ZYG11A: variants seen among roughly 807,000 people sequenced by gnomAD.
The protein encoded by ZYG11A is zyg-11 family member A, cell cycle regulator.
A neutral mutation model predicts 77.2 loss-of-function variants in ZYG11A; 62 were observed. The observed-to-expected ratio is 0.80, with a 90% CI of 0.65 to 0.99. The LOEUF is 0.99. ZYG11A is among the 50% of genes least tolerant of loss of function. ZYG11A has a pLI of 0.00. For missense variants in ZYG11A, 828 were observed against 896.8 expected (o/e 0.92, Z 0.98); for synonymous variants, 315 against 324.6 (o/e 0.97, Z 0.32).
At chr1:52,862,604 G>A (rs1299904088) in intron 4 of ZYG11A, among the ~76,000 whole-genome samples, 6 of 152,082 alleles carry the variant, frequency 3.9e-5, no homozygotes, top group East Asian at 3.9e-4. Flanking sequence ...GAGCCACTGC[G>A]CCCGGCAAGC....
chr1:52,846,996 C>T (rs770868154), intron 1 of ZYG11A, among the ~76,000 whole-genome samples: 3 of 151,654 alleles, frequency 2.0e-5, no homozygotes, highest in Non-Finnish European at 2.9e-5. Context: ...TACGGGTACA[C>T]GCCGCCACGC....
At chr1:52,888,656 C>T (rs1226699494) in intron 13 of ZYG11A, among the ~76,000 whole-genome samples, 1 of 152,128 alleles carries the variant, frequency 6.6e-6, no homozygotes, top group African/African-American at 2.4e-5. Context: ...CTGCATCTGG[C>T]CAGAAAAATG....
intron 13 of ZYG11A, 126 bp from the exon 14 acceptor site, chr1:52,892,656 T>C: frequency 1.3e-6 from 1 of 786,236 alleles, no homozygotes; most frequent in Non-Finnish European, 2.0e-6. Context: ...ACTCATTTTA[T>C]CTGTTAATTC....
At chr1:52,866,904 T>G (rs1646037532) in intron 6 of ZYG11A, among the ~76,000 whole-genome samples, 1 of 152,218 alleles carries the variant, frequency 6.6e-6, no homozygotes, top group South Asian at 2.1e-4. Context: ...ATTCCTAGTT[T>G]AAGTACAGGC....
Position 52,847,930 on chromosome 1 carries a change from C to T in ZYG11A, c.90+4957C>T, listed in dbSNP as rs1238444463. On this transcript the variant is annotated intron_variant, in intron 1 of 13. Coordinates refer to ENST00000371528, the MANE Select transcript of ZYG11A (RefSeq NM_001004339.3). ...TGTCGCCTAGGCTGGAGTGCAGTGG[C>T]GCGATCTCAGCTCACTGCAAGCTCC... Among the ~76,000 whole-genome samples the T allele has an allele frequency of 2.6e-5, 4 of 151,718 alleles. No individual in the cohort carries two copies. In the South Asian group the frequency reaches 6.2e-4, roughly 24 times the overall value.
intron 13 of ZYG11A, among the ~76,000 whole-genome samples, chr1:52,889,439 T>TA (rs139715588): frequency 0.018 from 2,697 of 145,810 alleles, 45 homozygotes; most frequent in Middle Eastern, 0.071. Context: ...TCTTTTAAAT[T>TA]AAAAAAAAAA....
intron 8 of ZYG11A, among the ~76,000 whole-genome samples, chr1:52,872,456 G>GTTC (rs1204499263): frequency 6.6e-6 from 1 of 152,098 alleles, no homozygotes; most frequent in Non-Finnish European, 1.5e-5. Context: ...CCACCCAAGA[G>GTTC]TTCTGATGGA....
intron 8 of ZYG11A, among the ~76,000 whole-genome samples, chr1:52,869,980 C>G (rs566001168): frequency 1.3e-5 from 2 of 151,392 alleles, no homozygotes; most frequent in Admixed American, 6.6e-5. Context: ...CCCCACCCCC[C>G]TCCCGGGCGG....
intron 10 of ZYG11A, among the ~76,000 whole-genome samples, chr1:52,879,867 A>ATTCGG (rs1288410298): frequency 1.3e-5 from 2 of 151,406 alleles, no homozygotes; most frequent in African/African-American, 4.9e-5. Context: ...GGTTCAAGTG[A>ATTCGG]TTCTCCCACT....
chr1:52,885,915 T>C, intron 12 of ZYG11A, 21 bp downstream of exon 12: 1 of 1,498,262 alleles, frequency 6.7e-7, no homozygotes, highest in South Asian at 1.3e-5. Context: ...GGTGTTGTGC[T>C]TTTCTTCTTT....
rs1366306391 is a variant in ZYG11A at position 52,860,988 on chromosome 1, C to G, written c.1149+117C>G. 3 of 1,016,028 alleles carry G rather than the reference C, an allele frequency of 3.0e-6. No individual in the cohort carries two copies. The East Asian group carries it at 7.9e-5, about 27-fold the overall frequency. The allele number at this position is 1,016,028 out of a possible 1,614,324, so 62.9% of individuals were successfully genotyped here. A position where few individuals can be genotyped will look rare whatever the true frequency, so the allele number is the denominator to read the frequency against. The stretch of plus-strand genomic sequence containing the variant: ...GCTTTATTCTATAGTGAGTCAAGTG[C>G]TCTCATAGAGCAAAGAATGTTAAGC... On this transcript the variant is annotated intron_variant, in intron 4 of 13. Coordinates refer to ENST00000371528, the MANE Select transcript of ZYG11A (RefSeq NM_001004339.3).
chr1:52,850,398 A>T (rs545368256), intron 1 of ZYG11A, among the ~76,000 whole-genome samples: 1 of 150,954 alleles, frequency 6.6e-6, no homozygotes, highest in Middle Eastern at 3.4e-3. Flanking sequence ...AGCTCACTGC[A>T]ACCTCTGCAT....
chr1:52,883,756 G>T (rs184877748), intron 11 of ZYG11A, among the ~76,000 whole-genome samples: 2 of 152,074 alleles, frequency 1.3e-5, no homozygotes, highest in Non-Finnish European at 2.9e-5. Context: ...TTCGTCCAAG[G>T]CTACTGTTTC....
chr1:52,885,115 G>T (rs1646426331), intron 11 of ZYG11A, among the ~76,000 whole-genome samples: 1 of 151,686 alleles, frequency 6.6e-6, no homozygotes, highest in Non-Finnish European at 1.5e-5. Context: ...TCACCGTGTT[G>T]GCCAGGCTGG....
intron 10 of ZYG11A, among the ~76,000 whole-genome samples, 163 bp downstream of exon 10, chr1:52,878,132 A>G (rs914200445): frequency 2.6e-5 from 4 of 152,250 alleles, no homozygotes; most frequent in Admixed American, 6.5e-5. Flanking sequence ...TATATCAGTT[A>G]TCTATTGTTG....
Position 52,892,806 on chromosome 1 carries a change from T to C in ZYG11A, c.2129T>C (p.Val710Ala). ...GCCAGCAAATACTGCAAAATGTTAG[T>C]TGAAGAAGAAGGATTGCAGCTTTTG... The part of the protein sequence containing the change: ...KNPSKYCKML[V>A]EEEGLQLLCD... The change falls in exon 14 of 14, where the codon GTT (valine) becomes GCT (alanine). Residue 710 changes from valine to alanine, a missense_variant. By Grantham distance (64) the Val-to-Ala change is moderately conservative. Transcript: ENST00000371528. 1 of 1,551,660 alleles carries C rather than the reference T, an allele frequency of 6.4e-7. No homozygotes were observed. Among genetic ancestry groups the C allele is most frequent in the Non-Finnish European group, 8.7e-7 (1 of 1,147,000 alleles).
At chr1:52,886,527 C>CT (rs1231850894) in intron 12 of ZYG11A, among the ~76,000 whole-genome samples, 7 of 150,160 alleles carry the variant, frequency 4.7e-5, no homozygotes, top group East Asian at 1.9e-4. Context: ...TTTGAAAATT[C>CT]TTTTTTTTTC....
chr1:52,879,747 C>CTTAT (rs138737616), intron 10 of ZYG11A, among the ~76,000 whole-genome samples: 95,257 of 142,758 alleles, frequency 0.67, 31,959 homozygotes, highest in East Asian at 0.81. Context: ...TTCCACTTTT[C>CTTAT]TTATTTATTT....
chr1:52,887,184 C>A (rs1319585940), intron 13 of ZYG11A, 131 bp downstream of exon 13: 1 of 401,908 alleles, frequency 2.5e-6, no homozygotes, highest in Non-Finnish European at 4.4e-6. Flanking sequence ...TAAAAAGAAA[C>A]TGAAAAAAGA....
Sources: gnomAD v4.1 joint callset for allele counts (sites outside exome capture counted in the v4.1 genomes callset) on GRCh38, gnomAD v4.1.1 for gene constraint, MANE v1.5 for transcripts, NCBI Gene and HGNC (gene_info 2026-07-23, HGNC 2026-07-21) for gene names.